ZC3H7A: variants seen among roughly 807,000 people sequenced by gnomAD.
ZC3H7A encodes the protein zinc finger CCCH-type containing 7A.
A neutral mutation model predicts 125.5 loss-of-function variants in ZC3H7A; 44 were observed. The ratio of observed to expected loss-of-function variants is 0.35; its 90% CI spans 0.28 to 0.45. ZC3H7A has a LOEUF of 0.45. ZC3H7A is among the 20% of genes least tolerant of loss of function. The probability of loss-of-function intolerance (pLI) is 1.00; values close to 1 mark genes in which losing one functional copy is unlikely to be tolerated. For synonymous variants in ZC3H7A, 399 were observed against 391.2 expected (o/e 1.02, Z -0.23); for missense variants, 977 against 1,170.7 (o/e 0.83, Z 2.41).
intron 1 of ZC3H7A, chr16:11,782,843 G>A (rs2053196358): frequency 6.4e-6 from 1 of 156,100 alleles, no homozygotes; most frequent in African/African-American, 2.4e-5. Context: ...TCGAACTCGT[G>A]ACCTCAAGTG....
At position 11,794,974 on chromosome 16, in the gene ZC3H7A, T is replaced by C. The variant is rs377688079; in HGVS notation, c.-35+2150A>G. On this transcript the variant is annotated intron_variant, in intron 1 of 22. Transcript: ENST00000355758. ...GAAAGGCAGGAATTCTCCACTTCGT[T>C]TGGATGGCAGAAAATCAACGGGCTC... 8.0e-4 allele frequency among the ~76,000 whole-genome samples: 121 copies of C among 152,182 alleles called. 1 individual carries two copies. The South Asian group carries it at 0.023, about 29-fold the overall frequency.
chr16:11,766,001 G>A lies in ZC3H7A; in HGVS notation c.1523-316C>T, dbSNP rs80213415. Among the ~76,000 whole-genome samples the A allele has an allele frequency of 5.6e-4, 85 of 151,948 alleles. 1 individual carries two copies. The East Asian group carries it at 9.5e-3, about 17-fold the overall frequency. Reference sequence around the variant, plus strand: ...TATGCATATTATCTGGGGATGGATCGTATCAACTCTAAAAAAGAGAAGTAC... The same window carrying A: ...TATGCATATTATCTGGGGATGGATCATATCAACTCTAAAAAAGAGAAGTAC... On this transcript the variant is annotated intron_variant, in intron 13 of 22. Coordinates refer to ENST00000355758, the MANE Select transcript of ZC3H7A (RefSeq NM_014153.4).
intron 22 of ZC3H7A, 152 bp from the exon 23 acceptor site, chr16:11,751,658 C>T (rs2052554728): frequency 2.8e-6 from 2 of 725,570 alleles, no homozygotes; most frequent in Non-Finnish European, 4.3e-6. Context: ...ATTTTATAGC[C>T]ATGACATCTA....
intron 10 of ZC3H7A, 114 bp from the exon 11 acceptor site, chr16:11,769,209 T>C (rs1370314591): frequency 2.3e-6 from 2 of 881,424 alleles, no homozygotes; most frequent in East Asian, 6.0e-5. Context: ...CGTCCCAGTT[T>C]CTAGAAATTT....
intron 3 of ZC3H7A, among the ~76,000 whole-genome samples, chr16:11,780,802 T>C (rs2053162485): frequency 1.3e-5 from 2 of 152,154 alleles, no homozygotes; most frequent in African/African-American, 2.4e-5. Flanking sequence ...CAATAGTTAG[T>C]AGAGACAAGA....
chr16:11,783,492 G>A (rs1313514243), intron 1 of ZC3H7A, among the ~76,000 whole-genome samples: 7 of 152,112 alleles, frequency 4.6e-5, no homozygotes, highest in African/African-American at 1.7e-4. Flanking sequence ...TCTTGTGATT[G>A]CAGGACATTG....
intron 22 of ZC3H7A, 50 bp downstream of exon 22, chr16:11,752,619 A>G (rs763992190): frequency 1.9e-6 from 3 of 1,578,620 alleles, no homozygotes; most frequent in Non-Finnish European, 2.6e-6. Context: ...TGTCCATGAA[A>G]ATTTGAGGTC....
intron 10 of ZC3H7A, 144 bp downstream of exon 10, chr16:11,770,639 T>G (rs999564393): frequency 4.5e-5 from 38 of 848,594 alleles, no homozygotes; most frequent in Non-Finnish European, 6.3e-5. Context: ...AATTCAAAAC[T>G]GAAGGCTTAG....
intron 1 of ZC3H7A, among the ~76,000 whole-genome samples, chr16:11,789,845 C>G (rs1490540630): frequency 6.6e-6 from 1 of 151,930 alleles, no homozygotes; most frequent in Non-Finnish European, 1.5e-5. Flanking sequence ...CTTTGGGAGG[C>G]CGAGGCAGGC....
At chr16:11,768,777 T>C (rs755837345) in intron 11 of ZC3H7A, among the ~76,000 whole-genome samples, 1 of 152,186 alleles carries the variant, frequency 6.6e-6, no homozygotes, top group African/African-American at 2.4e-5. Flanking sequence ...CCCGATCTTA[T>C]ATTTCCTTGA....
chr16:11,774,487 C>T lies in ZC3H7A; in HGVS notation c.652G>A (p.Val218Ile), dbSNP rs1388728574. The change falls in exon 9 of 23, where the codon GTT becomes ATT. Residue 218 changes from valine (V) to isoleucine (I), a missense_variant. Physicochemically the swap from Val to Ile is conservative, Grantham distance 29 (BLOSUM62 3). Transcript: ENST00000355758. ...LLTPRQEAVP[V>I]VSLPAPSFSH... ...AAACTGGGTGCCGGTAAAGAGACAA[C>T]AGGAACTGCTTCTTGCCTTGGAGTT... 2 of 1,570,172 alleles carry T rather than the reference C, an allele frequency of 1.3e-6. No individual in the cohort carries two copies. The highest frequency in any genetic ancestry group is 1.7e-6 in the Non-Finnish European group (2 of 1,155,758).
chr16:11,772,845 C>T (rs943303197), intron 9 of ZC3H7A, among the ~76,000 whole-genome samples: 2 of 151,694 alleles, frequency 1.3e-5, no homozygotes, highest in African/African-American at 4.9e-5. Flanking sequence ...TACAGATATG[C>T]ACCACCATGC....
At chr16:11,758,269 C>A (rs929709622) in intron 20 of ZC3H7A, among the ~76,000 whole-genome samples, 162 bp downstream of exon 20, 10 of 152,196 alleles carry the variant, frequency 6.6e-5, no homozygotes, top group African/African-American at 2.4e-4. Context: ...AGGCTGTGCC[C>A]ACATTTTCCA....
At chr16:11,778,369 G>A (rs1008708047) in intron 4 of ZC3H7A, among the ~76,000 whole-genome samples, 6 of 150,878 alleles carry the variant, frequency 4.0e-5, no homozygotes, top group Admixed American at 2.0e-4. Context: ...CCCAGGAGGC[G>A]GAGGTTGCAG....
chr16:11,787,751 G>A (rs1258981558), intron 1 of ZC3H7A, among the ~76,000 whole-genome samples: 1 of 152,122 alleles, frequency 6.6e-6, no homozygotes, highest in African/African-American at 2.4e-5. Context: ...TTCGAGACCA[G>A]CCTGGCCAAC....
chr16:11,797,042 CGAGGCGGCGGCGCGCGCGGGG>C (rs1057110184), intron 1 of ZC3H7A, 61 bp downstream of exon 1: 36 of 135,678 alleles, frequency 2.7e-4, no homozygotes, highest in Non-Finnish European at 4.9e-4. Context: ...CGCGCGAGCA[CGAGGCGGCGGCGCGCGCGGGG>C]GGGGCGGGGG....
chr16:11,788,594 T>C (rs1220425247), intron 1 of ZC3H7A, among the ~76,000 whole-genome samples: 3 of 143,708 alleles, frequency 2.1e-5, no homozygotes, highest in Non-Finnish European at 3.1e-5. Context: ...CAGACAAATA[T>C]ATTGCTTTCT....
intron 13 of ZC3H7A, among the ~76,000 whole-genome samples, chr16:11,766,604 C>T (rs1306310061): frequency 1.3e-5 from 2 of 151,706 alleles, no homozygotes; most frequent in African/African-American, 4.8e-5. Flanking sequence ...AAAACCTTGG[C>T]CAGTACAGTG....
intron 9 of ZC3H7A, 115 bp downstream of exon 9, chr16:11,774,121 A>G: frequency 9.6e-7 from 1 of 1,041,338 alleles, no homozygotes; most frequent in Non-Finnish European, 1.3e-6. Context: ...TCAAGGTTAA[A>G]AAAACCCCCA....
Sources: gnomAD v4.1 joint callset for allele counts (sites outside exome capture counted in the v4.1 genomes callset) on GRCh38, gnomAD v4.1.1 for gene constraint, MANE v1.5 for transcripts, NCBI Gene and HGNC (gene_info 2026-07-23, HGNC 2026-07-21) for gene names.